IRF5: variants seen among roughly 807,000 people sequenced by gnomAD.
IRF5 encodes interferon regulatory factor 5.
In IRF5, 24 loss-of-function variants were observed where a neutral mutation model predicts 55.1. That is an observed-to-expected ratio of 0.44 (90% confidence interval 0.32 to 0.61). The LOEUF is 0.61. Ranked by LOEUF, IRF5 falls within the 20% of genes least tolerant of loss-of-function variation. The pLI is 0.07. For synonymous variants in IRF5, 258 were observed against 260.2 expected, an observed-to-expected ratio of 0.99 and a Z score of 0.08; for missense variants, 499 against 658.5, an observed-to-expected ratio of 0.76 and a Z score of 2.65.
chr7:128,938,433 CG>C (rs1406452106), intron 1 of IRF5, among the ~76,000 whole-genome samples: 1 of 152,158 alleles, frequency 6.6e-6, no homozygotes, highest in Non-Finnish European at 1.5e-5. Context: ...TGGGGGTTCC[CG>C]GGAGCCCCGC....
chr7:128,940,045 C>T (rs189866950), intron 1 of IRF5, among the ~76,000 whole-genome samples: 27 of 152,344 alleles, frequency 1.8e-4, no homozygotes, highest in Admixed American at 9.8e-4. Context: ...AGGCAAAAGC[C>T]TTGAGGCTGA....
Position 128,949,119 on chromosome 7 carries a change from C to T in IRF5, c.*301C>T. 1 of 343,202 alleles carries T rather than the reference C, an allele frequency of 2.9e-6. No individual in the cohort carries two copies. Among genetic ancestry groups the T allele is most frequent in the Non-Finnish European group, 5.4e-6 (1 of 185,924 alleles). The allele number at this position is 343,202 out of a possible 1,614,324, so 21.3% of individuals were successfully genotyped here. A position where few individuals can be genotyped will look rare whatever the true frequency, so the allele number is the denominator to read the frequency against. ...ATAGGAGGAATTGCCTAAGGGTGGC[C>T]CACTCTTGTGATTGCCCCATTTCCT... On this transcript the variant is annotated 3_prime_UTR_variant, in exon 9 of 9. Transcript: ENST00000357234.
chr7:128,946,967 A>G lies in IRF5; in HGVS notation c.448-56A>G. On this transcript the variant is annotated intron_variant, in intron 4 of 8. Coordinates refer to ENST00000357234, the MANE Select transcript of IRF5 (RefSeq NM_001098629.3). This position sits in a 1 kb window ranked among gnomAD's most constrained non-coding sequence, Gnocchi z 4.2. ...TCCCCAGCCCCAGGTCAGTGGAATAACCTGTCCTCCTTTCTCTCCCATCTC... is the reference window on the plus strand; with the variant it reads ...TCCCCAGCCCCAGGTCAGTGGAATAGCCTGTCCTCCTTTCTCTCCCATCTC... The G allele has an allele frequency of 6.2e-7, 1 of 1,602,694 alleles. No homozygotes were observed. The highest frequency in any genetic ancestry group is 8.5e-7 in the Non-Finnish European group (1 of 1,170,364).
At position 128,949,498 on chromosome 7, in the gene IRF5, G is replaced by A. The variant is rs963456221; in HGVS notation, c.*680G>A. The A allele has an allele frequency of 2.0e-5, 3 of 152,188 alleles. No individual in the cohort carries two copies. The highest frequency in any genetic ancestry group is 4.4e-5 in the Non-Finnish European group (3 of 68,062). The allele number at this position is 152,188 out of a possible 1,614,324, so 9.4% of individuals were successfully genotyped here. A position where few individuals can be genotyped will look rare whatever the true frequency, so the allele number is the denominator to read the frequency against. On this transcript the variant is annotated 3_prime_UTR_variant, in exon 9 of 9. Coordinates refer to ENST00000357234, the MANE Select transcript of IRF5 (RefSeq NM_001098629.3). ...CCCCAAGCACTTGCCCCCAGCTTGC[G>A]ACCATTGGCACTGGGAGGGCCTGGC...
Position 128,948,294 on chromosome 7 carries a change from G to A in IRF5, c.1265G>A (p.Arg422His), listed in dbSNP as rs201569154. Residue 422 changes from arginine (R) to histidine (H), a missense_variant, in exon 8 of 9, where the codon CGC becomes CAC. This residue lies in a region of IRF5 where 194 missense variants were observed against 318.3 expected (regional missense o/e 0.61). Coordinates refer to ENST00000357234, the MANE Select transcript of IRF5 (RefSeq NM_001098629.3). The surrounding 1 kb of genome is among the most constrained non-coding windows in gnomAD (Gnocchi z 4.6). ...TGCTTTGGGGAAGAATGGCCTGACC[G>A]CAAACCCCGAGAGAAGAAGCTCATT... Reference protein sequence around the residue: ...FFCFGEEWPDRKPREKKLITV... With the variant: ...FFCFGEEWPDHKPREKKLITV... The A allele has an allele frequency of 3.5e-5, 56 of 1,611,416 alleles. No individual in the cohort carries two copies. The highest frequency in any genetic ancestry group is 4.5e-5 in the East Asian group (2 of 44,872).
chr7:128,942,668 G>A (rs1796094337), intron 2 of IRF5, among the ~76,000 whole-genome samples: 1 of 152,000 alleles, frequency 6.6e-6, no homozygotes, highest in South Asian at 2.1e-4. Context: ...GGGACTGAGG[G>A]TCCCCAGAAG....
chr7:128,938,887 C>T (rs1205146909), intron 1 of IRF5, among the ~76,000 whole-genome samples: 1 of 151,878 alleles, frequency 6.6e-6, no homozygotes, highest in African/African-American at 2.4e-5. Context: ...GGGGGACTTT[C>T]CCAGCCTCGC....
At position 128,948,333 on chromosome 7, in the gene IRF5, A is replaced by G. The variant is rs761402214; in HGVS notation, c.1299+5A>G. On this transcript the variant is annotated splice_donor_5th_base_variant and intron_variant, in intron 8 of 8. Transcript: ENST00000357234. The surrounding 1 kb of genome is among the most constrained non-coding windows in gnomAD (Gnocchi z 4.6). ...AAGAAGCTCATTACTGTACAGGTAC[A>G]TCTCCCCTATCCCAAAGTCGGCCTT... 3.6e-5 allele frequency: 57 copies of G among 1,582,194 alleles called. 1 individual carries two copies. In the South Asian group the frequency reaches 6.3e-4, roughly 17 times the overall value.
In IRF5 at chr7:128,949,092, G is replaced by A. The variant is rs1796492391; in HGVS notation, c.*274G>A. 1 of 450,250 alleles carries A rather than the reference G, an allele frequency of 2.2e-6. No individual in the cohort carries two copies. Among genetic ancestry groups the A allele is most frequent in the East Asian group, 3.9e-5 (1 of 25,662 alleles). The allele number at this position is 450,250 out of a possible 1,614,324, so 27.9% of individuals were successfully genotyped here. A position where few individuals can be genotyped will look rare whatever the true frequency, so the allele number is the denominator to read the frequency against. On this transcript the variant is annotated 3_prime_UTR_variant, in exon 9 of 9. Transcript: ENST00000357234. Reference sequence around the variant, plus strand: ...ACTCTCCCAACCCTGGGGCCTAGCTGTATAGGAGGAATTGCCTAAGGGTGG... The same window carrying A: ...ACTCTCCCAACCCTGGGGCCTAGCTATATAGGAGGAATTGCCTAAGGGTGG...
At chr7:128,943,805 A>G (rs1796167555) in intron 2 of IRF5, among the ~76,000 whole-genome samples, 1 of 132,592 alleles carries the variant, frequency 7.5e-6, no homozygotes, top group Non-Finnish European at 1.5e-5. Flanking sequence ...TCCTGACCTC[A>G]TGATCCACCT....
Position 128,947,000 on chromosome 7 carries a change from C to T in IRF5, c.448-23C>T, listed in dbSNP as rs1470177743. 6.8e-6 allele frequency: 11 copies of T among 1,613,926 alleles called. No homozygotes were observed. The highest frequency in any genetic ancestry group is 5.9e-6 in the Non-Finnish European group (7 of 1,179,876). ...TCCTTTCTCTCCCATCTCTTCCCTC[C>T]CTTGCTGGTGGTGTCCCTTCAGCTG... On this transcript the variant is annotated intron_variant, in intron 4 of 8. Coordinates refer to ENST00000357234, the MANE Select transcript of IRF5 (RefSeq NM_001098629.3). This position sits in a 1 kb window ranked among gnomAD's most constrained non-coding sequence, Gnocchi z 4.2.
Position 128,946,835 on chromosome 7 carries a change from A to T in IRF5, c.448-188A>T. 1.4e-6 allele frequency: 1 copy of T among 720,190 alleles called. No homozygotes were observed. The highest frequency in any genetic ancestry group is 2.4e-6 in the Non-Finnish European group (1 of 420,002). 44.6% of individuals were successfully genotyped at this position (720,190 alleles called of 1,614,324 possible). On this transcript the variant is annotated intron_variant, in intron 4 of 8. Transcript: ENST00000357234. This position sits in a 1 kb window ranked among gnomAD's most constrained non-coding sequence, Gnocchi z 4.2. The stretch of plus-strand genomic sequence containing the variant: ...AAGGCAAATGAGGAAAGTGAGGCAA[A>T]GGGCTTTTCTGACCTGCCTGGGATG...
At chr7:128,937,057 G>A (rs1307620060), upstream of IRF5, among the ~76,000 whole-genome samples, 1 of 152,158 alleles carries the variant, frequency 6.6e-6, no homozygotes, top group Non-Finnish European at 1.5e-5. Flanking sequence ...TCTGTGCGGT[G>A]AGCAGCCAGA....
chr7:128,938,645 G>A (rs1421825941), intron 1 of IRF5, among the ~76,000 whole-genome samples: 1 of 152,224 alleles, frequency 6.6e-6, no homozygotes, highest in African/African-American at 2.4e-5. Context: ...TGCGTCCCTG[G>A]GCTCGCGGCC....
chr7:128,946,532 T>A lies in IRF5; in HGVS notation c.417T>A (p.Gly139=), dbSNP rs748307649. ...AGCCCCCTGAGGATTACTCTTTTGGTGCAGGAGAGGAGGAGGAAGAAGAGG... is the reference window on the plus strand; with the variant it reads ...AGCCCCCTGAGGATTACTCTTTTGGAGCAGGAGAGGAGGAGGAAGAAGAGG... ...DSQPPEDYSF[G]AGEEEEEEEE... Residue 139 remains glycine (G), a synonymous_variant, in exon 4 of 9, where the codon GGT becomes GGA. Coordinates refer to ENST00000357234, the MANE Select transcript of IRF5 (RefSeq NM_001098629.3). The surrounding 1 kb of genome is among the most constrained non-coding windows in gnomAD (Gnocchi z 4.2). 1 of 1,607,902 alleles carries A rather than the reference T, an allele frequency of 6.2e-7. No homozygotes were observed. The highest frequency in any genetic ancestry group is 1.1e-5 in the South Asian group (1 of 89,614).
chr7:128,948,492 CCT>C lies in IRF5; in HGVS notation c.1300-80_1300-79del, dbSNP rs1001797615. ...CGGAGAATGCGGTCTATTACTCACC[CCT>C]GATGGCTGTCCTCATGCACAGCTGG... On this transcript the variant is annotated intron_variant, in intron 8 of 8. Transcript: ENST00000357234. The surrounding 1 kb of genome is among the most constrained non-coding windows in gnomAD (Gnocchi z 4.6). The C allele has an allele frequency of 8.9e-6, 14 of 1,572,730 alleles. No individual in the cohort carries two copies. The African/African-American group carries it at 1.2e-4, about 14-fold the overall frequency.
At chr7:128,944,851 T>C (rs539944993) in intron 2 of IRF5, among the ~76,000 whole-genome samples, 3 of 152,364 alleles carry the variant, frequency 2.0e-5, no homozygotes, top group East Asian at 1.9e-4. Flanking sequence ...CAGCCCCTCA[T>C]TGATGGATGT....
At position 128,943,758 on chromosome 7, in the gene IRF5, A is replaced by G. The variant is rs182214218; in HGVS notation, c.195+1482A>G. Among the ~76,000 whole-genome samples, 776 of 104,348 alleles carry G rather than the reference A, an allele frequency of 7.4e-3. 13 individuals are homozygous for G. Among genetic ancestry groups the G allele is most frequent in the African/African-American group, 0.028 (739 of 26,276 alleles). 68.5% of individuals were successfully genotyped at this position (104,348 alleles called of 152,430 possible). On this transcript the variant is annotated intron_variant, in intron 2 of 8. Coordinates refer to ENST00000357234, the MANE Select transcript of IRF5 (RefSeq NM_001098629.3). ...TTTTTTTTTTGTATTTTTGGTAAAG[A>G]CAGGGTTTCACCCTGTTGGCCAGGC... is the stretch of plus-strand genomic sequence containing the variant.
chr7:128,948,998 T>G lies in IRF5; in HGVS notation c.*180T>G. On this transcript the variant is annotated 3_prime_UTR_variant, in exon 9 of 9. Coordinates refer to ENST00000357234, the MANE Select transcript of IRF5 (RefSeq NM_001098629.3). This position sits in a 1 kb window ranked among gnomAD's most constrained non-coding sequence, Gnocchi z 4.6. ...CCCGAGCCCCTGCCTTCCCGGGCCTTTCTCTCCTGGGCTGTCTCTGGTCTG... is the reference window on the plus strand; with the variant it reads ...CCCGAGCCCCTGCCTTCCCGGGCCTGTCTCTCCTGGGCTGTCTCTGGTCTG... The G allele has an allele frequency of 1.4e-6, 1 of 699,662 alleles. No homozygotes were observed. The highest frequency in any genetic ancestry group is 2.9e-5 in the Admixed American group (1 of 33,950). 43.3% of individuals were successfully genotyped at this position (699,662 alleles called of 1,614,324 possible). A position where few individuals can be genotyped will look rare whatever the true frequency, so the allele number is the denominator to read the frequency against.
Sources: gnomAD v4.1 joint callset for allele counts (sites outside exome capture counted in the v4.1 genomes callset) on GRCh38, gnomAD v4.1.1 for gene constraint, gnomAD v4.1.1 regional missense constraint, Gnocchi (gnomAD v3.1) non-coding constraint, MANE v1.5 for transcripts, NCBI Gene and HGNC (gene_info 2026-07-23, HGNC 2026-07-21) for gene names.